DTNA: variants seen among roughly 807,000 people sequenced by gnomAD.
The protein encoded by DTNA is dystrobrevin alpha, also known as dystrophin-related protein 3.
In DTNA, 43 loss-of-function variants were observed where a neutral mutation model predicts 100.7. That is an observed-to-expected ratio of 0.43 (90% confidence interval 0.33 to 0.55). DTNA has a LOEUF of 0.55. Among genes scored for constraint, DTNA ranks in the 20% least tolerant of loss-of-function variants. The probability of loss-of-function intolerance (pLI) is 0.04; values close to 1 mark genes in which losing one functional copy is unlikely to be tolerated. For synonymous variants in DTNA, 349 were observed against 347.9 expected (o/e 1.00, Z -0.04); for missense variants, 798 against 953.9 (o/e 0.84, Z 2.15).
intron 1 of DTNA, among the ~76,000 whole-genome samples, chr18:34,717,916 A>C (rs1040107445): frequency 3.9e-5 from 6 of 152,178 alleles, no homozygotes; most frequent in African/African-American, 1.4e-4. Flanking sequence ...GACAGAAATG[A>C]GTCCAGAAGT....
At chr18:34,495,129 C>G (rs1225727054) in intron 1 of DTNA, among the ~76,000 whole-genome samples, 2 of 152,140 alleles carry the variant, frequency 1.3e-5, no homozygotes, top group Non-Finnish European at 2.9e-5. Flanking sequence ...GCTTTTCATG[C>G]GCCCCTAATC....
chr18:34,770,236 G>T (rs2093698020), intron 3 of DTNA, among the ~76,000 whole-genome samples: 1 of 151,406 alleles, frequency 6.6e-6, no homozygotes, highest in Non-Finnish European at 1.5e-5. Context: ...AAAATAGATT[G>T]TTTACTTTTA....
chr18:34,643,768 C>T (rs2148410650), intron 1 of DTNA, among the ~76,000 whole-genome samples: 1 of 152,066 alleles, frequency 6.6e-6, no homozygotes, highest in East Asian at 1.9e-4. Flanking sequence ...AGGGTAGATG[C>T]CAACATGAAA....
Position 34,816,033 on chromosome 18 carries a change from G to C in DTNA, c.709+19G>C. 1.9e-6 allele frequency: 3 copies of C among 1,606,398 alleles called. No homozygotes were observed. Among genetic ancestry groups the C allele is most frequent in the Non-Finnish European group, 2.6e-6 (3 of 1,173,058 alleles). Reference sequence around the variant, plus strand: ...GAAAATGGTGAGTAGTTACTAAGGAGCAAAGGTGATTTTTTAAATTATTGA... The same window carrying C: ...GAAAATGGTGAGTAGTTACTAAGGACCAAAGGTGATTTTTTAAATTATTGA... On this transcript the variant is annotated intron_variant, in intron 7 of 22. Coordinates refer to ENST00000444659, the MANE Select transcript of DTNA (RefSeq NM_001386795.1).
At chr18:34,755,718 A>G in intron 1 of DTNA, 1 of 442,558 alleles carries the variant, frequency 2.3e-6, no homozygotes, top group Non-Finnish European at 4.2e-6. Context: ...GCACAAGGTC[A>G]TTTGCTACAG....
Position 34,539,287 on chromosome 18 carries a change from A to T in DTNA, c.-2+45773A>T, listed in dbSNP as rs1466467864. ...AAAAAAGTTGGCAATGAATATGAAG[A>T]TGTTTGTCCAAGGAAGACAAATTTG... On this transcript the variant is annotated intron_variant, in intron 1 of 19. Transcript: ENST00000283365. Among the ~76,000 whole-genome samples the T allele has an allele frequency of 2.0e-5, 3 of 151,964 alleles. No homozygotes were observed. The East Asian group carries it at 5.8e-4, about 29-fold the overall frequency.
intron 1 of DTNA, among the ~76,000 whole-genome samples, chr18:34,525,954 G>A (rs777312495): frequency 1.3e-5 from 2 of 152,124 alleles, no homozygotes; most frequent in Admixed American, 6.6e-5. Flanking sequence ...CTAGCTCAGT[G>A]CTCTTTCTTG....
At chr18:34,553,198 G>A (rs1303241073) in intron 1 of DTNA, among the ~76,000 whole-genome samples, 5 of 151,828 alleles carry the variant, frequency 3.3e-5, no homozygotes, top group African/African-American at 4.8e-5. Context: ...GTCTGTTCAT[G>A]TCTTTTGCCC....
At chr18:34,625,261 T>G (rs995702108) in intron 1 of DTNA, among the ~76,000 whole-genome samples, 1 of 152,178 alleles carries the variant, frequency 6.6e-6, no homozygotes, top group African/African-American at 2.4e-5. Flanking sequence ...ACTCCTGACC[T>G]CAGGCAGTCC....
chr18:34,821,202 T>C, intron 9 of DTNA: 1 of 553,544 alleles, frequency 1.8e-6, no homozygotes, highest in South Asian at 1.6e-5. Context: ...TGTCTGCACA[T>C]TGGAAGTTAA....
intron 13 of DTNA, among the ~76,000 whole-genome samples, chr18:34,842,344 C>T (rs1307092728): frequency 6.6e-6 from 1 of 152,132 alleles, no homozygotes; most frequent in African/African-American, 2.4e-5. Context: ...TTTAAAATTG[C>T]TCCACAATAT....
intron 1 of DTNA, among the ~76,000 whole-genome samples, chr18:34,565,983 A>G (rs2047047824): frequency 6.6e-6 from 1 of 152,192 alleles, no homozygotes; most frequent in Non-Finnish European, 1.5e-5. Context: ...TGACACCAAA[A>G]TGCCTGGCAA....
chr18:34,736,095 C>T (rs1178738021), intron 1 of DTNA, among the ~76,000 whole-genome samples: 2 of 152,172 alleles, frequency 1.3e-5, no homozygotes, highest in South Asian at 4.1e-4. Context: ...AATTCTAGTT[C>T]AATGCCCTCC....
Position 34,755,845 on chromosome 18 carries a change from T to C in DTNA, c.-1-131T>C, listed in dbSNP as rs529383059. 162 of 797,918 alleles carry C rather than the reference T, an allele frequency of 2.0e-4. 1 individual carries two copies. In the African/African-American group the frequency reaches 2.5e-3, roughly 12 times the overall value. The allele number at this position is 797,918 out of a possible 1,614,324, so 49.4% of individuals were successfully genotyped here. A position where few individuals can be genotyped will look rare whatever the true frequency, so the allele number is the denominator to read the frequency against. ...GTTAGTAAAACTAAAGCTGTACTTT[T>C]TAAAACAAACAGTTTTAAATAGGTT... On this transcript the variant is annotated intron_variant, in intron 1 of 22. Coordinates refer to ENST00000444659, the MANE Select transcript of DTNA (RefSeq NM_001386795.1).
chr18:34,773,149 G>A (rs969174744), intron 3 of DTNA, among the ~76,000 whole-genome samples: 1 of 152,124 alleles, frequency 6.6e-6, no homozygotes, highest in African/African-American at 2.4e-5. Context: ...TTTATATCAG[G>A]CCCACTCAGA....
chr18:34,578,692 C>T (rs2048345468), intron 1 of DTNA, among the ~76,000 whole-genome samples: 2 of 152,106 alleles, frequency 1.3e-5, no homozygotes, highest in African/African-American at 2.4e-5. Flanking sequence ...TGTGGCTTGC[C>T]AATTATCCCA....
chr18:34,823,867 T>G (rs549941531), intron 9 of DTNA, among the ~76,000 whole-genome samples: 4 of 152,308 alleles, frequency 2.6e-5, no homozygotes, highest in Admixed American at 2.6e-4. Context: ...GTGCAAGCAT[T>G]GGCAATATTG....
chr18:34,615,298 G>C (rs1388758729), intron 1 of DTNA, among the ~76,000 whole-genome samples: 1 of 152,124 alleles, frequency 6.6e-6, no homozygotes, highest in East Asian at 1.9e-4. Flanking sequence ...CAAGCCATGA[G>C]GAATGCGCCC....
intron 1 of DTNA, among the ~76,000 whole-genome samples, chr18:34,512,701 C>G (rs2041211702): frequency 6.6e-6 from 1 of 152,018 alleles, no homozygotes. Context: ...ACATAAATTG[C>G]TGAGCATAGA....
Sources: gnomAD v4.1 joint callset for allele counts (sites outside exome capture counted in the v4.1 genomes callset) on GRCh38, gnomAD v4.1.1 for gene constraint, MANE v1.5 for transcripts, NCBI Gene and HGNC (gene_info 2026-07-23, HGNC 2026-07-21) for gene names.